NEK7: variants seen among roughly 807,000 people sequenced by gnomAD.
The protein encoded by NEK7 is serine/threonine-protein kinase Nek7.
A neutral mutation model predicts 44.6 loss-of-function variants in NEK7; 18 were observed. The observed-to-expected ratio is 0.40, with a 90% CI of 0.28 to 0.60. NEK7 has a LOEUF of 0.60. Among genes scored for constraint, NEK7 ranks in the 20% least tolerant of loss-of-function variants. The pLI, the probability that NEK7 is intolerant of heterozygous loss-of-function variation, is 0.38. For synonymous variants in NEK7, 130 were observed against 121.1 expected (o/e 1.07, Z -0.48); for missense variants, 256 against 366.5 (o/e 0.70, Z 2.46).
chr1:198,209,675 T>G (rs1020615570), intron 1 of NEK7, among the ~76,000 whole-genome samples: 1 of 152,190 alleles, frequency 6.6e-6, no homozygotes, highest in African/African-American at 2.4e-5. Context: ...CTCTCTTTTT[T>G]TTAATAGCAA....
chr1:198,307,767 C>T (rs1277292483), intron 9 of NEK7, among the ~76,000 whole-genome samples: 1 of 152,096 alleles, frequency 6.6e-6, no homozygotes, highest in African/African-American at 2.4e-5. Flanking sequence ...ACTCATGTCT[C>T]CTGACTGGAA....
chr1:198,210,199 A>T (rs1665721837), intron 1 of NEK7, among the ~76,000 whole-genome samples: 1 of 152,074 alleles, frequency 6.6e-6, no homozygotes, highest in African/African-American at 2.4e-5. Flanking sequence ...GGTTCAAGTG[A>T]TCCTCCTGCC....
At chr1:198,280,421 G>A (rs1166207087) in intron 7 of NEK7, among the ~76,000 whole-genome samples, 6 of 152,146 alleles carry the variant, frequency 3.9e-5, no homozygotes, top group Non-Finnish European at 8.8e-5. Flanking sequence ...ATGCACACAC[G>A]TGTGTTGTTT....
chr1:198,231,714 G>T (rs1250928873), intron 1 of NEK7, among the ~76,000 whole-genome samples: 1 of 152,032 alleles, frequency 6.6e-6, no homozygotes, highest in Non-Finnish European at 1.5e-5. Flanking sequence ...AAGTCACAGG[G>T]TAGAGGAAGA....
intron 5 of NEK7, among the ~76,000 whole-genome samples, chr1:198,276,005 C>T (rs1218719699): frequency 4.0e-5 from 6 of 151,512 alleles, no homozygotes; most frequent in Non-Finnish European, 5.9e-5. Flanking sequence ...AGGCCTATAA[C>T]GAATTTGGAT....
At chr1:198,202,793 T>C (rs978431766) in intron 1 of NEK7, among the ~76,000 whole-genome samples, 3 of 152,168 alleles carry the variant, frequency 2.0e-5, no homozygotes, top group Non-Finnish European at 4.4e-5. Flanking sequence ...GATTCAGTTA[T>C]TTCCCACTGG....
At chr1:198,300,665 CTG>C (rs1412944808) in intron 9 of NEK7, among the ~76,000 whole-genome samples, 1 of 151,808 alleles carries the variant, frequency 6.6e-6, no homozygotes, top group Non-Finnish European at 1.5e-5. Flanking sequence ...TGCTGCTTAT[CTG>C]TATATCTCTA....
At chr1:198,310,993 A>G (rs1328929701) in intron 9 of NEK7, among the ~76,000 whole-genome samples, 1 of 149,110 alleles carries the variant, frequency 6.7e-6, no homozygotes, top group Non-Finnish European at 1.5e-5. Context: ...TGGTAGCTTG[A>G]TGGGAATGGC....
intron 7 of NEK7, among the ~76,000 whole-genome samples, chr1:198,287,237 T>G (rs578082548): frequency 1.9e-4 from 29 of 152,208 alleles, no homozygotes; most frequent in Admixed American, 9.8e-4. Context: ...ATCCCGGCAC[T>G]TTGGGAGGCC....
intron 1 of NEK7, among the ~76,000 whole-genome samples, chr1:198,175,932 G>A (rs1266463835): frequency 6.6e-6 from 1 of 152,154 alleles, no homozygotes; most frequent in Non-Finnish European, 1.5e-5. Context: ...TTGATTTGTT[G>A]TTTCAGAGAT....
At chr1:198,180,730 G>T (rs1416200923) in intron 1 of NEK7, among the ~76,000 whole-genome samples, 2 of 152,064 alleles carry the variant, frequency 1.3e-5, no homozygotes, top group Admixed American at 6.6e-5. Flanking sequence ...AGTATTTTCA[G>T]TAAGAGGACA....
intron 1 of NEK7, among the ~76,000 whole-genome samples, chr1:198,232,171 A>G (rs1328333365): frequency 6.6e-6 from 1 of 152,172 alleles, no homozygotes; most frequent in Non-Finnish European, 1.5e-5. Flanking sequence ...GACTATAAAG[A>G]TAAGGTGCAT....
chr1:198,256,659 A>C, intron 3 of NEK7: 1 of 725,068 alleles, frequency 1.4e-6, no homozygotes, highest in Non-Finnish European at 2.1e-6. Flanking sequence ...GGCTTTAGGA[A>C]GATTAAGATA....
At chr1:198,271,831 A>G (rs1032954509) in intron 5 of NEK7, among the ~76,000 whole-genome samples, 1 of 150,618 alleles carries the variant, frequency 6.6e-6, no homozygotes, top group African/African-American at 2.4e-5. Context: ...CTAAGGTTGC[A>G]AGTTAGCACT....
intron 1 of NEK7, chr1:198,198,144 G>A: frequency 2.3e-6 from 2 of 856,126 alleles, no homozygotes; most frequent in Non-Finnish European, 3.9e-6. Flanking sequence ...ATGGTGGGGG[G>A]ATATGGATTT....
intron 6 of NEK7, 73 bp downstream of exon 6, chr1:198,278,142 G>GCAATTAAGATTTTTAAAGCCA: frequency 1.2e-6 from 1 of 805,028 alleles, no homozygotes; most frequent in African/African-American, 1.8e-5. Flanking sequence ...ATGTCTTCAA[G>GCAATTAAGATTTTTAAAGCCA]TCAGTACATA....
intron 7 of NEK7, among the ~76,000 whole-genome samples, chr1:198,287,201 G>C (rs1654398130): frequency 6.6e-6 from 1 of 152,132 alleles, no homozygotes; most frequent in Non-Finnish European, 1.5e-5. Flanking sequence ...GAGGTTCTAG[G>C]CTGGGTGCGG....
In NEK7 at chr1:198,277,981, G is replaced by T; in HGVS notation, c.393G>T (p.Arg131Ser). Residue 131 changes from arginine (R) to serine (S), a missense_variant, in exon 6 of 10, where the codon AGG (arginine) becomes AGT (serine). Around this residue, in one of 3 missense-constraint regions of NEK7, gnomAD observed 102 missense variants for 205.2 expected, o/e 0.50. Coordinates refer to ENST00000367385, the MANE Select transcript of NEK7 (RefSeq NM_133494.3). Reference sequence around the variant, plus strand: ...AAAAGCATTTTAAGAAGCAAAAGAGGCTAATTCCTGAAAGAACTGTTTGGA... The same window carrying T: ...AAAAGCATTTTAAGAAGCAAAAGAGTCTAATTCCTGAAAGAACTGTTTGGA... ...RMIKHFKKQK[R>S]LIPERTVWKY... 1 of 1,602,174 alleles carries T rather than the reference G, an allele frequency of 6.2e-7. No individual in the cohort carries two copies. Among genetic ancestry groups the T allele is most frequent in the Non-Finnish European group, 8.5e-7 (1 of 1,171,192 alleles).
rs572084774 is a variant in NEK7 at position 198,181,037 on chromosome 1, T to C, written c.-29+23761T>C. Among the ~76,000 whole-genome samples, 8 of 152,212 alleles carry C rather than the reference T, an allele frequency of 5.3e-5. No individual in the cohort carries two copies. The East Asian group carries it at 1.5e-3, about 29-fold the overall frequency. On this transcript the variant is annotated intron_variant, in intron 1 of 9. Transcript: ENST00000367385. ...GGTCACCCATTTTCTATAGTTTTCCTATTAACTTTAAACACATGATAATCA... is the reference window on the plus strand; with the variant it reads ...GGTCACCCATTTTCTATAGTTTTCCCATTAACTTTAAACACATGATAATCA...
Sources: gnomAD v4.1 joint callset for allele counts (sites outside exome capture counted in the v4.1 genomes callset) on GRCh38, gnomAD v4.1.1 for gene constraint, gnomAD v4.1.1 regional missense constraint, MANE v1.5 for transcripts, NCBI Gene and HGNC (gene_info 2026-07-23, HGNC 2026-07-21) for gene names.